The following RNF14 variants were observed in gnomAD, a reference collection of about 807,000 sequenced individuals.
RNF14 encodes the protein E3 ubiquitin-protein ligase RNF14.
A neutral mutation model predicts 52.6 loss-of-function variants in RNF14; 26 were observed. The observed-to-expected ratio is 0.49, with a 90% confidence interval of 0.36 to 0.69. The LOEUF is 0.69. Among genes scored for constraint, RNF14 ranks in the 30% least tolerant of loss-of-function variants. The pLI, the probability that RNF14 is intolerant of heterozygous loss-of-function variation, is 0.00. For synonymous variants in RNF14, 194 were observed against 202.0 expected (o/e 0.96, Z 0.34); for missense variants, 404 against 560.4 (o/e 0.72, Z 2.82).
upstream of RNF14, among the ~76,000 whole-genome samples, chr5:141,966,211 C>T (rs1339461219): frequency 4.6e-5 from 7 of 152,024 alleles, no homozygotes; most frequent in South Asian, 2.1e-4. Flanking sequence ...AACCCTCTAC[C>T]GGGAGGCAGA....
At chr5:141,980,489 A>C in intron 6 of RNF14, 138 bp downstream of exon 6, 2 of 702,350 alleles carry the variant, frequency 2.8e-6, no homozygotes, top group Non-Finnish European at 4.8e-6. Context: ...TGACTATCTC[A>C]GGCCTTGGGG....
chr5:141,973,018 C>CT (rs1239500801), intron 2 of RNF14, among the ~76,000 whole-genome samples: 1 of 152,148 alleles, frequency 6.6e-6, no homozygotes, highest in Non-Finnish European at 1.5e-5. Context: ...TCAAATTGTG[C>CT]TTTTTTTCCT....
intron 6 of RNF14, among the ~76,000 whole-genome samples, chr5:141,981,275 A>T (rs1331887215): frequency 6.6e-6 from 1 of 152,218 alleles, no homozygotes; most frequent in African/African-American, 2.4e-5. Context: ...ACATAATTTT[A>T]TGTCAAATCT....
At chr5:141,956,922 T>C (rs779662612), upstream of RNF14, 44 of 1,614,118 alleles carry the variant, frequency 2.7e-5, no homozygotes, top group Admixed American at 2.8e-4. Flanking sequence ...TTTCATAGTC[T>C]AGAGGTCGAC....
chr5:141,969,760 C>G (rs1753575082), intron 1 of RNF14: 1 of 152,214 alleles, frequency 6.6e-6, no homozygotes, highest in African/African-American at 2.4e-5. Flanking sequence ...CTACTGAGGC[C>G]TGAATTAATT....
chr5:141,954,555 G>T (rs148151914), upstream of RNF14, among the ~76,000 whole-genome samples: 1 of 152,314 alleles, frequency 6.6e-6, no homozygotes, highest in African/African-American at 2.4e-5. Context: ...TTCCTCTGTG[G>T]TTCAGAGCTA....
the RNF14 span, chr5:141,952,890 A>C: frequency 6.6e-6 from 1 of 152,218 alleles, no homozygotes; most frequent in African/African-American, 2.4e-5. Context: ...GAGGTCCACC[A>C]TGCCCCTCTG....
chr5:141,984,544 T>G (rs252098), intron 7 of RNF14, among the ~76,000 whole-genome samples: 133,176 of 152,252 alleles, frequency 0.87, 58,433 homozygotes, highest in East Asian at 0.98. Flanking sequence ...CCAGTTATAC[T>G]TGTGTGATTT....
chr5:141,977,850 ATTC>A (rs1754401427), intron 4 of RNF14, among the ~76,000 whole-genome samples: 1 of 152,260 alleles, frequency 6.6e-6, no homozygotes, highest in South Asian at 2.1e-4. Flanking sequence ...TTTTTAAACT[ATTC>A]TTTTTCTAAC....
chr5:141,979,089 A>T (rs150568523), intron 5 of RNF14, among the ~76,000 whole-genome samples: 2,244 of 152,348 alleles, frequency 0.015, 25 homozygotes, highest in Non-Finnish European at 0.022. Context: ...TACTTTGTAT[A>T]TCTGCTAGTA....
At chr5:141,979,441 G>A (rs1166895505) in intron 5 of RNF14, among the ~76,000 whole-genome samples, 4 of 152,042 alleles carry the variant, frequency 2.6e-5, no homozygotes, top group Admixed American at 6.6e-5. Context: ...TAGTAGAGAC[G>A]GGGTTTCACC....
At chr5:141,957,076 G>C (rs1303219196), upstream of RNF14, 28 of 1,614,072 alleles carry the variant, frequency 1.7e-5, no homozygotes, top group South Asian at 2.5e-4. The surrounding 1 kb of genome is among the most constrained non-coding windows in gnomAD (Gnocchi z 4.3). Flanking sequence ...AAGCGTACCA[G>C]GTGCAGCATC....
upstream of RNF14, chr5:141,957,352 T>C: frequency 1.2e-6 from 2 of 1,613,744 alleles, no homozygotes; most frequent in Non-Finnish European, 1.7e-6. This position sits in a 1 kb window ranked among gnomAD's most constrained non-coding sequence, Gnocchi z 4.3. Flanking sequence ...GTGCAGGGTG[T>C]TAGGGCCTGT....
intron 1 of RNF14, among the ~76,000 whole-genome samples, chr5:141,961,760 A>T (rs1423438881): frequency 6.6e-6 from 1 of 152,054 alleles, no homozygotes; most frequent in Non-Finnish European, 1.5e-5. Flanking sequence ...GGGGGTTCAG[A>T]GAATCTTCTT....
chr5:141,985,583 T>A (rs1157956056), intron 8 of RNF14, among the ~76,000 whole-genome samples: 1 of 152,024 alleles, frequency 6.6e-6, no homozygotes, highest in Non-Finnish European at 1.5e-5. Context: ...TGAGTCAGAG[T>A]CTCGCTCTGT....
At chr5:141,986,921 G>C (rs1755285673) in intron 8 of RNF14, among the ~76,000 whole-genome samples, 1 of 152,232 alleles carries the variant, frequency 6.6e-6, no homozygotes, top group African/African-American at 2.4e-5. Flanking sequence ...GCATTAGCAT[G>C]ATCTCTGGGG....
At chr5:141,957,244 T>C (rs1420130591), upstream of RNF14, 7 of 1,614,188 alleles carry the variant, frequency 4.3e-6, no homozygotes, top group Non-Finnish European at 5.9e-6. The surrounding 1 kb of genome is among the most constrained non-coding windows in gnomAD (Gnocchi z 4.3). Context: ...GATTTCCCTG[T>C]CCAGCTCCTT....
At chr5:141,958,053 T>C, upstream of RNF14, 1 of 616,648 alleles carries the variant, frequency 1.6e-6, no homozygotes, top group South Asian at 2.1e-5. Flanking sequence ...CGATCTGAGA[T>C]GTCCAAACGC....
intron 1 of RNF14, among the ~76,000 whole-genome samples, chr5:141,959,873 C>A (rs1332981885): frequency 2.0e-5 from 3 of 152,216 alleles, no homozygotes; most frequent in Non-Finnish European, 4.4e-5. Context: ...CCTCTGTTTC[C>A]TTCTCTGAGG....
Sources: allele counts gnomAD v4.1 joint callset (sites outside exome capture counted in the v4.1 genomes callset), GRCh38; gene constraint gnomAD v4.1.1; non-coding constraint Gnocchi (gnomAD v3.1); transcripts MANE v1.5; gene names NCBI Gene and HGNC (gene_info 2026-07-23, HGNC 2026-07-21).